The following CDH4 variants were observed in gnomAD, a reference collection of about 807,000 sequenced individuals.
The protein encoded by CDH4 is cadherin-4.
In CDH4, 33 loss-of-function variants were observed where a neutral mutation model predicts 86.0. That is an observed-to-expected ratio of 0.38 (90% CI 0.29 to 0.51). The LOEUF is 0.51. Ranked by LOEUF, CDH4 falls within the 20% of genes least tolerant of loss-of-function variation. The pLI is 0.86. For missense variants in CDH4, 1,114 were observed against 1,307.4 expected (o/e 0.85, Z 2.28); for synonymous variants, 555 against 549.4 (o/e 1.01, Z -0.14).
intron 2 of CDH4, among the ~76,000 whole-genome samples, chr20:61,694,841 C>T (rs568234088): frequency 7.2e-5 from 11 of 152,310 alleles, no homozygotes; most frequent in Admixed American, 3.3e-4. Flanking sequence ...CTCTGCCGAG[C>T]GCTGGCGATA....
intron 6 of CDH4, among the ~76,000 whole-genome samples, chr20:61,859,702 G>A (rs977771063): frequency 1.3e-5 from 2 of 152,258 alleles, no homozygotes; most frequent in Non-Finnish European, 2.9e-5. Context: ...GACATCCATT[G>A]GGCACATTTG....
intron 4 of CDH4, among the ~76,000 whole-genome samples, chr20:61,790,427 TCTCTC>T (rs1380891526): frequency 2.7e-5 from 4 of 149,932 alleles, no homozygotes; most frequent in Admixed American, 1.3e-4. Context: ...TATCCATTCA[TCTCTC>T]CATCCATCCA....
intron 4 of CDH4, among the ~76,000 whole-genome samples, chr20:61,817,077 T>G (rs1195803169): frequency 1.3e-5 from 2 of 152,216 alleles, no homozygotes; most frequent in Non-Finnish European, 2.9e-5. Context: ...GCTGGGCACA[T>G]GGCGACCCCC....
chr20:61,678,482 G>A (rs6142827), intron 2 of CDH4, among the ~76,000 whole-genome samples: 4 of 152,336 alleles, frequency 2.6e-5, no homozygotes, highest in African/African-American at 9.6e-5. Context: ...TTAATAATGC[G>A]AAAGTGTGGT....
At chr20:61,891,541 C>CCT (rs1984818575) in intron 7 of CDH4, among the ~76,000 whole-genome samples, 1 of 152,248 alleles carries the variant, frequency 6.6e-6, no homozygotes, top group Non-Finnish European at 1.5e-5. Flanking sequence ...GTTTCCTGCC[C>CCT]TTCCGAGAGG....
At chr20:61,764,845 G>A (rs1028439837) in intron 3 of CDH4, among the ~76,000 whole-genome samples, 2 of 152,152 alleles carry the variant, frequency 1.3e-5, no homozygotes, top group Non-Finnish European at 1.5e-5. Flanking sequence ...CAGCAGGGAA[G>A]CCTCATGCAG....
At chr20:61,539,889 A>T (rs1255057323) in intron 2 of CDH4, among the ~76,000 whole-genome samples, 1 of 152,224 alleles carries the variant, frequency 6.6e-6, no homozygotes, top group Non-Finnish European at 1.5e-5. Context: ...CTCTGTGCAC[A>T]CAGGATTTGA....
chr20:61,369,631 G>A (rs2084829325), intron 2 of CDH4, among the ~76,000 whole-genome samples: 1 of 151,836 alleles, frequency 6.6e-6, no homozygotes, highest in African/African-American at 2.4e-5. Context: ...GAACCCAGTG[G>A]GGTTCTCAAA....
intron 2 of CDH4, among the ~76,000 whole-genome samples, chr20:61,462,411 A>G (rs1331894645): frequency 2.6e-5 from 4 of 152,206 alleles, no homozygotes; most frequent in Non-Finnish European, 5.9e-5. Flanking sequence ...AGATTTGTTT[A>G]TATGCAAACG....
At chr20:61,556,102 G>A (rs1034698408) in intron 2 of CDH4, among the ~76,000 whole-genome samples, 25 of 152,164 alleles carry the variant, frequency 1.6e-4, no homozygotes, top group South Asian at 2.1e-4. Context: ...TGCCTTTCTC[G>A]GTCAGAGCAG....
At chr20:61,514,303 TCCGCCCCCC>T (rs1420742516) in intron 2 of CDH4, among the ~76,000 whole-genome samples, 3 of 136,410 alleles carry the variant, frequency 2.2e-5, no homozygotes, top group African/African-American at 6.6e-5. Flanking sequence ...CAGGCCTCAG[TCCGCCCCCC>T]CCGCCCCCCC....
At chr20:61,740,079 A>T (rs2088315376) in intron 2 of CDH4, among the ~76,000 whole-genome samples, 1 of 152,242 alleles carries the variant, frequency 6.6e-6, no homozygotes, top group Non-Finnish European at 1.5e-5. Context: ...AAAAGGAAGC[A>T]AAAGGAAGGA....
chr20:61,359,978 A>G (rs1234758226), intron 2 of CDH4, among the ~76,000 whole-genome samples: 1 of 152,238 alleles, frequency 6.6e-6, no homozygotes, highest in African/African-American at 2.4e-5. Context: ...CAGAAGCTGA[A>G]ATCTGGAGCT....
chr20:61,664,181 T>A (rs2087295950), intron 2 of CDH4, among the ~76,000 whole-genome samples: 1 of 152,152 alleles, frequency 6.6e-6, no homozygotes, highest in Non-Finnish European at 1.5e-5. Flanking sequence ...TCACACCACT[T>A]GCCTCTAGAA....
chr20:61,444,353 ATATTTTTGTGTTTCTGCATGTG>A (rs2085332714), intron 2 of CDH4, among the ~76,000 whole-genome samples: 1 of 17,196 alleles, frequency 5.8e-5, no homozygotes, highest in Non-Finnish European at 1.3e-4. Flanking sequence ...GTGTCTGTGT[ATATTTTTGTGTTTCTGCATGTG>A]TGTGTCTATG....
In CDH4 at chr20:61,517,158, T is replaced by G. The variant is rs903262968; in HGVS notation, c.170-226405T>G. Among the ~76,000 whole-genome samples the G allele has an allele frequency of 1.3e-5, 2 of 152,188 alleles. No individual in the cohort carries two copies. The highest frequency in any genetic ancestry group is 4.8e-5 in the African/African-American group (2 of 41,444). On this transcript the variant is annotated intron_variant, in intron 2 of 15. Transcript: ENST00000614565. The surrounding 1 kb of genome is among the most constrained non-coding windows in gnomAD (Gnocchi z 6.6). ...ACCAGATTCCTGTATTCCAACTTTC[T>G]AGATGTTGCCTGACTTTGAACTTCG...
Position 61,773,060 on chromosome 20 carries a change from C to T in CDH4, c.454C>T (p.Leu152=). The part of the protein sequence containing the change: ...LDPSPPPKDT[L]LPWPQHQNAN... Reference sequence around the variant, plus strand: ...CCCCTCTCCGCCTCCGAAGGACACCCTGCTGCCGTGGCCCCAGCACCAGAA... The same window carrying T: ...CCCCTCTCCGCCTCCGAAGGACACCTTGCTGCCGTGGCCCCAGCACCAGAA... The change falls in exon 4 of 16, where the codon CTG becomes TTG. Residue 152 remains leucine (L), a synonymous_variant. Transcript: ENST00000614565. 1.2e-6 allele frequency: 2 copies of T among 1,613,838 alleles called. No homozygotes were observed. Among genetic ancestry groups the T allele is most frequent in the Non-Finnish European group, 1.7e-6 (2 of 1,179,938 alleles).
chr20:61,566,151 C>T (rs897905519), intron 2 of CDH4, among the ~76,000 whole-genome samples: 2 of 152,196 alleles, frequency 1.3e-5, no homozygotes, highest in Non-Finnish European at 2.9e-5. Flanking sequence ...TCACCCACTT[C>T]TTCCACCCCT....
rs142480089 is a variant in CDH4, at chr20:61,557,065, C to T, written c.170-186498C>T. Among the ~76,000 whole-genome samples the T allele has an allele frequency of 8.1e-3, 1,239 of 152,298 alleles. 9 individuals are homozygous for T. Among genetic ancestry groups the T allele is most frequent in the Admixed American group, 0.015 (230 of 15,304 alleles). On this transcript the variant is annotated intron_variant, in intron 2 of 15. Coordinates refer to ENST00000614565, the MANE Select transcript of CDH4 (RefSeq NM_001794.5). ...GAGAATGCTTTTCAGTTTTAGCCTT[C>T]CTCTTGGGTGTGTGGGTGTTGGGTT...
Sources: gnomAD v4.1 joint callset for allele counts (sites outside exome capture counted in the v4.1 genomes callset) on GRCh38, gnomAD v4.1.1 for gene constraint, Gnocchi (gnomAD v3.1) non-coding constraint, MANE v1.5 for transcripts, NCBI Gene and HGNC (gene_info 2026-07-23, HGNC 2026-07-21) for gene names.